The following OPCML variants were observed in gnomAD, a reference collection of about 807,000 sequenced individuals.
OPCML encodes the protein opioid-binding protein/cell adhesion molecule.
A neutral mutation model predicts 37.8 loss-of-function variants in OPCML; 13 were observed. The observed-to-expected ratio is 0.34, with a 90% CI of 0.22 to 0.55. The LOEUF is 0.55. Ranked by LOEUF, OPCML falls within the 20% of genes least tolerant of loss-of-function variation. OPCML has a pLI of 0.91. For synonymous variants in OPCML, 176 were observed against 168.8 expected (o/e 1.04, Z -0.33); for missense variants, 341 against 435.6 (o/e 0.78, Z 1.93).
At chr11:132,579,638 G>T (rs2096458282) in intron 3 of OPCML, among the ~76,000 whole-genome samples, 1 of 152,062 alleles carries the variant, frequency 6.6e-6, no homozygotes, top group Non-Finnish European at 1.5e-5. Flanking sequence ...AGGACCTGAA[G>T]AATTCATTTG....
intron 1 of OPCML, among the ~76,000 whole-genome samples, chr11:133,463,230 T>C (rs1478737846): frequency 6.6e-6 from 1 of 151,122 alleles, no homozygotes; most frequent in Non-Finnish European, 1.5e-5. Flanking sequence ...GGAATGATAG[T>C]CACCAGGGAA....
rs140644420 is a variant in OPCML at position 132,662,720 on chromosome 11, T to C, written c.147-5401A>G. Among the ~76,000 whole-genome samples, 15 of 152,328 alleles carry C rather than the reference T, an allele frequency of 9.8e-5. No homozygotes were observed. The East Asian group carries it at 2.9e-3, about 29-fold the overall frequency. Reference sequence around the variant, plus strand: ...TGGCCTCATGCCAGACGTTGAATGGTTGAATGTTTATAACTCTAAAGTTGG... The same window carrying C: ...TGGCCTCATGCCAGACGTTGAATGGCTGAATGTTTATAACTCTAAAGTTGG... On this transcript the variant is annotated intron_variant, in intron 2 of 7. Transcript: ENST00000524381.
At chr11:133,310,213 G>A (rs1943034577) in intron 1 of OPCML, among the ~76,000 whole-genome samples, 1 of 152,152 alleles carries the variant, frequency 6.6e-6, no homozygotes, top group Admixed American at 6.6e-5. Flanking sequence ...CATTTTTGTA[G>A]TGATACAACT....
chr11:133,457,032 C>A (rs1261171209), intron 1 of OPCML, among the ~76,000 whole-genome samples: 2 of 152,076 alleles, frequency 1.3e-5, no homozygotes, highest in Non-Finnish European at 2.9e-5. Flanking sequence ...GTAGGATTAA[C>A]CAACCCAAAG....
chr11:133,305,646 T>C (rs914782403), intron 1 of OPCML, among the ~76,000 whole-genome samples: 3 of 152,142 alleles, frequency 2.0e-5, no homozygotes, highest in Admixed American at 2.0e-4. Flanking sequence ...TACATTAGGG[T>C]TCCCCTCCAC....
At chr11:133,355,753 A>G (rs1944273434) in intron 1 of OPCML, among the ~76,000 whole-genome samples, 3 of 152,296 alleles carry the variant, frequency 2.0e-5, no homozygotes, top group African/African-American at 7.2e-5. Flanking sequence ...TAGCTGATAT[A>G]GGGGTCTTAA....
chr11:132,631,018 C>T (rs962879395), intron 3 of OPCML, among the ~76,000 whole-genome samples: 1 of 151,798 alleles, frequency 6.6e-6, no homozygotes, highest in Non-Finnish European at 1.5e-5. Context: ...AAGCTAAATG[C>T]AATAGATATA....
At chr11:132,506,282 C>T (rs2096256619) in intron 4 of OPCML, among the ~76,000 whole-genome samples, 1 of 152,138 alleles carries the variant, frequency 6.6e-6, no homozygotes, top group Non-Finnish European at 1.5e-5. Context: ...GCTATTATTG[C>T]AAAACAGGTT....
At chr11:133,075,698 C>T (rs1396818064) in intron 1 of OPCML, among the ~76,000 whole-genome samples, 1 of 152,174 alleles carries the variant, frequency 6.6e-6, no homozygotes, top group Non-Finnish European at 1.5e-5. Flanking sequence ...TCTTCCGAGC[C>T]AGCCCAGGAC....
intron 3 of OPCML, among the ~76,000 whole-genome samples, chr11:132,550,810 G>T (rs750676226): frequency 3.9e-5 from 6 of 152,198 alleles, no homozygotes; most frequent in Non-Finnish European, 8.8e-5. Context: ...GAATATTTGT[G>T]AACTGGGTGG....
intron 4 of OPCML, among the ~76,000 whole-genome samples, chr11:132,462,221 C>T (rs1304149873): frequency 6.6e-6 from 1 of 152,146 alleles, no homozygotes; most frequent in Admixed American, 6.5e-5. Flanking sequence ...CCGCACCGCC[C>T]CCGCCACACA....
At chr11:132,793,355 T>C (rs571785596) in intron 2 of OPCML, among the ~76,000 whole-genome samples, 2 of 152,218 alleles carry the variant, frequency 1.3e-5, no homozygotes, top group Non-Finnish European at 2.9e-5. Context: ...ACTCGTAGTC[T>C]TGTTTATGCA....
At chr11:132,710,457 G>C (rs573116282) in intron 2 of OPCML, among the ~76,000 whole-genome samples, 49 of 152,312 alleles carry the variant, frequency 3.2e-4, no homozygotes, top group African/African-American at 1.1e-3. Context: ...TGTAAGACAT[G>C]ACTGTGCCCA....
At chr11:133,490,293 T>C (rs527564104) in intron 1 of OPCML, among the ~76,000 whole-genome samples, 34 of 152,324 alleles carry the variant, frequency 2.2e-4, no homozygotes, top group South Asian at 8.3e-4. Flanking sequence ...ATATTAAAGA[T>C]GAAAAATCTC....
intron 2 of OPCML, among the ~76,000 whole-genome samples, chr11:132,681,215 C>T (rs1942926831): frequency 6.6e-6 from 1 of 152,184 alleles, no homozygotes; most frequent in Admixed American, 6.5e-5. Flanking sequence ...AGGGCCCCAC[C>T]CTCAAGCCTG....
intron 3 of OPCML, among the ~76,000 whole-genome samples, chr11:132,532,796 T>C (rs903910237): frequency 4.6e-5 from 7 of 152,160 alleles, no homozygotes; most frequent in Admixed American, 4.6e-4. Flanking sequence ...ATCTTCACCG[T>C]CCTTGTTTCC....
At chr11:133,014,572 G>A (rs1028781986) in intron 1 of OPCML, among the ~76,000 whole-genome samples, 4 of 152,122 alleles carry the variant, frequency 2.6e-5, no homozygotes, top group African/African-American at 4.8e-5. Context: ...GGCTGTGGCC[G>A]AGACTGTATG....
chr11:132,422,900 T>C (rs1161101708), intron 7 of OPCML, among the ~76,000 whole-genome samples: 2 of 152,244 alleles, frequency 1.3e-5, no homozygotes, highest in Non-Finnish European at 2.9e-5. Context: ...ATGCAGTGTC[T>C]CTGTATGAAT....
intron 1 of OPCML, chr11:133,422,672 A>G: frequency 3.0e-6 from 3 of 983,900 alleles, no homozygotes; most frequent in Non-Finnish European, 3.6e-6. Context: ...TTTCCTTTTA[A>G]TAATTATTAT....
Sources: allele counts gnomAD v4.1 joint callset (sites outside exome capture counted in the v4.1 genomes callset), GRCh38; gene constraint gnomAD v4.1.1; transcripts MANE v1.5; gene names NCBI Gene and HGNC (gene_info 2026-07-23, HGNC 2026-07-21).